The following TENM4 variants were observed in gnomAD, a reference collection of about 807,000 sequenced individuals.
TENM4 encodes the protein teneurin transmembrane protein 4.
Under a neutral mutation model 243.3 loss-of-function variants are expected in TENM4, and 82 were observed. The observed-to-expected ratio is 0.34, with a 90% CI of 0.28 to 0.40. The LOEUF (loss-of-function observed/expected upper bound fraction) is 0.40. Among genes scored for constraint, TENM4 ranks in the 10% least tolerant of loss-of-function variants. The pLI, the probability that TENM4 is intolerant of heterozygous loss-of-function variation, is 1.00. For synonymous variants in TENM4, 1,412 were observed against 1,456.3 expected, an observed-to-expected ratio of 0.97 and a Z score of 0.69; for missense variants, 3,138 against 3,673.3, an observed-to-expected ratio of 0.85 and a Z score of 3.77.
chr11:78,672,320 G>A lies in TENM4; in HGVS notation c.5506C>T (p.Arg1836Ter), dbSNP rs752054887. 1.2e-6 allele frequency: 2 copies of A among 1,606,714 alleles called. No homozygotes were observed. Among genetic ancestry groups the A allele is most frequent in the Non-Finnish European group, 1.7e-6 (2 of 1,173,782 alleles). ...TCAAAGTCCAGAGATAGGAGATTTC[G>A]GTTGTGAACCTGGAGAAAGGGTTGG... ...VFGRRLRVHN[R>*]NLLSLDFDRV... The change falls in exon 31 of 34, where the codon CGA becomes TGA. Residue 1836 changes from arginine to a stop codon, truncating the protein, a stop_gained. Transcript: ENST00000278550. LOFTEE classifies it high-confidence loss of function.
intron 27 of TENM4, among the ~76,000 whole-genome samples, chr11:78,706,545 G>T (rs1407554502): frequency 6.6e-6 from 1 of 152,186 alleles, no homozygotes; most frequent in Non-Finnish European, 1.5e-5. Flanking sequence ...GTATTGGAGA[G>T]TTTGGTTAAA....
chr11:78,812,283 T>C lies in TENM4; in HGVS notation c.1817A>G (p.Gln606Arg). The change falls in exon 14 of 34, where the codon CAA (glutamine) becomes CGA (arginine). Residue 606 changes from glutamine to arginine, a missense_variant. This residue lies in a region of TENM4 where 2,467 missense variants were observed against 3,059.1 expected (regional missense o/e 0.81). Transcript: ENST00000278550. ...GCACAAGCATCTGCCTTTCATGTAT[T>C]GGCCATTTCCGCTACAGAGCACGGG... ...SCPVLCSGNG[Q>R]YMKGRCLCHS... The C allele has an allele frequency of 1.3e-6, 2 of 1,551,876 alleles. No individual in the cohort carries two copies. Among genetic ancestry groups the C allele is most frequent in the Non-Finnish European group, 1.7e-6 (2 of 1,147,050 alleles).
chr11:79,144,663 C>T (rs1284457449), intron 4 of TENM4, among the ~76,000 whole-genome samples: 1 of 151,862 alleles, frequency 6.6e-6, no homozygotes, highest in Non-Finnish European at 1.5e-5. Context: ...TTATGTTAAG[C>T]AAAATAAGCC....
At chr11:78,995,750 A>G (rs1858158443) in intron 6 of TENM4, among the ~76,000 whole-genome samples, 1 of 151,580 alleles carries the variant, frequency 6.6e-6, no homozygotes. Flanking sequence ...CAGAGAGATG[A>G]GATGCAGAGT....
intron 2 of TENM4, among the ~76,000 whole-genome samples, chr11:79,241,267 T>C (rs1864583269): frequency 6.6e-6 from 1 of 150,686 alleles, no homozygotes; most frequent in African/African-American, 2.4e-5. Flanking sequence ...GGAAGAGGGG[T>C]TTTGTGTGTG....
Position 78,657,919 on chromosome 11 carries a change from G to C in TENM4, c.*139C>G. On this transcript the variant is annotated 3_prime_UTR_variant, in exon 34 of 34. Transcript: ENST00000278550. Reference sequence around the variant, plus strand: ...GTTTTTCTTTTCTAAAAAAAAGGATGTTGCATGAGTTACAATGCAACCAGT... The same window carrying C: ...GTTTTTCTTTTCTAAAAAAAAGGATCTTGCATGAGTTACAATGCAACCAGT... 1 of 1,318,920 alleles carries C rather than the reference G, an allele frequency of 7.6e-7. No homozygotes were observed. 81.7% of individuals were successfully genotyped at this position (1,318,920 alleles called of 1,614,324 possible). A position where few individuals can be genotyped will look rare whatever the true frequency, so the allele number is the denominator to read the frequency against.
At chr11:79,395,382 C>A (rs1034596833) in intron 1 of TENM4, among the ~76,000 whole-genome samples, 7 of 152,188 alleles carry the variant, frequency 4.6e-5, no homozygotes, top group African/African-American at 1.7e-4. Context: ...GTGAATCACA[C>A]AGACTCCATT....
chr11:79,272,063 C>T (rs1855978096), intron 2 of TENM4, among the ~76,000 whole-genome samples: 1 of 152,110 alleles, frequency 6.6e-6, no homozygotes, highest in African/African-American at 2.4e-5. Context: ...GAGTAAATGG[C>T]AAAATAGGGA....
intron 1 of TENM4, among the ~76,000 whole-genome samples, chr11:79,318,248 C>G (rs190964075): frequency 6.6e-6 from 1 of 152,096 alleles, no homozygotes; most frequent in South Asian, 2.1e-4. Context: ...AAAAAGGCAC[C>G]AAGGCACTAT....
intron 4 of TENM4, among the ~76,000 whole-genome samples, chr11:79,122,609 A>G (rs767515384): frequency 1.3e-5 from 2 of 152,088 alleles, no homozygotes; most frequent in Non-Finnish European, 2.9e-5. Flanking sequence ...AAAGGGTGCT[A>G]CCAAAAAACG....
At chr11:78,735,708 C>T (rs1399627943) in intron 20 of TENM4, among the ~76,000 whole-genome samples, 1 of 152,166 alleles carries the variant, frequency 6.6e-6, no homozygotes, top group East Asian at 1.9e-4. Flanking sequence ...ATCACCTTTC[C>T]AAGCCTCAGT....
At chr11:79,114,218 G>T (rs1051514483) in intron 4 of TENM4, among the ~76,000 whole-genome samples, 3 of 152,060 alleles carry the variant, frequency 2.0e-5, no homozygotes, top group Non-Finnish European at 4.4e-5. Flanking sequence ...AATAAAGCAG[G>T]ATACAAAGTT....
chr11:79,017,315 C>T (rs920892578), intron 6 of TENM4, among the ~76,000 whole-genome samples: 2 of 152,138 alleles, frequency 1.3e-5, no homozygotes, highest in African/African-American at 4.8e-5. Flanking sequence ...AGTTTAGTCT[C>T]TGCTTTTACA....
At chr11:78,975,308 C>T (rs1488818948) in intron 6 of TENM4, among the ~76,000 whole-genome samples, 1 of 151,948 alleles carries the variant, frequency 6.6e-6, no homozygotes, top group Non-Finnish European at 1.5e-5. Context: ...ATGGTTCATT[C>T]ACACCTCTGG....
At chr11:78,971,086 C>T (rs1241345476) in intron 6 of TENM4, among the ~76,000 whole-genome samples, 1 of 152,092 alleles carries the variant, frequency 6.6e-6, no homozygotes, top group Non-Finnish European at 1.5e-5. Context: ...TTCACAGGCA[C>T]AATCACAGGG....
chr11:78,899,518 C>T lies in TENM4; in HGVS notation c.749+3750G>A, dbSNP rs146326136. On this transcript the variant is annotated intron_variant, in intron 7 of 33. Transcript: ENST00000278550. ...GCTTGAGTCTGGGAGGTTGAGGCTG[C>T]AGCGTGTCAGGATCATGCCACTGCA... Among the ~76,000 whole-genome samples the T allele has an allele frequency of 1.6e-4, 20 of 128,790 alleles. No homozygotes were observed. In the East Asian group the frequency reaches 2.6e-3, roughly 17 times the overall value. 84.5% of individuals were successfully genotyped at this position (128,790 alleles called of 152,430 possible). A position where few individuals can be genotyped will look rare whatever the true frequency, so the allele number is the denominator to read the frequency against.
intron 1 of TENM4, among the ~76,000 whole-genome samples, chr11:79,414,157 TAC>T (rs10587790): frequency 0.36 from 54,446 of 150,642 alleles, 9,750 homozygotes; most frequent in East Asian, 0.42. Context: ...CACACATGTG[TAC>T]ACACACACAC....
In TENM4 at chr11:79,096,924, GCGCGCACACACACACACA is replaced by G. The variant is rs1390003516; in HGVS notation, c.-65-26933_-65-26916del. On this transcript the variant is annotated intron_variant, in intron 4 of 33. Coordinates refer to ENST00000278550, the MANE Select transcript of TENM4 (RefSeq NM_001098816.3). ...TGGGCATGCACGCACATGCGCGCGC[GCGCGCACACACACACACA>G]CACACACACACACACACACACCCTT... 2.7e-3 allele frequency: 329 copies of G among 121,304 alleles called. 1 individual carries two copies. Among genetic ancestry groups the G allele is most frequent in the African/African-American group, 0.011 (310 of 29,498 alleles). The allele number at this position is 121,304 out of a possible 1,614,324, so 7.5% of individuals were successfully genotyped here.
rs1012143499 is a variant in TENM4, at chr11:79,267,714, G to C, written c.-265+29774C>G. On this transcript the variant is annotated intron_variant, in intron 2 of 33. Transcript: ENST00000278550. ...AAGGTATGACTAGCACTTAAGGCCA[G>C]TATCTGGCACATAATAAATTCTTGA... 2.6e-5 allele frequency among the ~76,000 whole-genome samples: 4 copies of C among 152,294 alleles called. No individual in the cohort carries two copies. The East Asian group carries it at 7.7e-4, about 29-fold the overall frequency.
Sources: allele counts gnomAD v4.1 joint callset (sites outside exome capture counted in the v4.1 genomes callset), GRCh38; gene constraint gnomAD v4.1.1; regional missense constraint gnomAD v4.1.1; transcripts MANE v1.5; gene names NCBI Gene and HGNC (gene_info 2026-07-23, HGNC 2026-07-21).